DSG1: variants seen among roughly 807,000 people sequenced by gnomAD.
DSG1 encodes the protein desmoglein 1.
A neutral mutation model predicts 97.5 loss-of-function variants in DSG1; 39 were observed. That is an observed-to-expected ratio of 0.40 (90% CI 0.31 to 0.52). The LOEUF (loss-of-function observed/expected upper bound fraction) is 0.52. Ranked by LOEUF, DSG1 falls within the 20% of genes least tolerant of loss-of-function variation. The pLI, the probability that DSG1 is intolerant of heterozygous loss-of-function variation, is 0.53. For synonymous variants in DSG1, 475 were observed against 443.4 expected (o/e 1.07, Z -0.90); for missense variants, 1,311 against 1,295.4 (o/e 1.01, Z -0.18).
intron 11 of DSG1, 68 bp downstream of exon 11, chr18:31,340,093 T>G (rs2144102848): frequency 6.9e-7 from 1 of 1,456,160 alleles, no homozygotes; most frequent in East Asian, 2.3e-5. Flanking sequence ...TTAAGTTTTC[T>G]GATTCTTTGA....
chr18:31,349,219 G>C (rs2071872224), intron 14 of DSG1, among the ~76,000 whole-genome samples: 1 of 137,818 alleles, frequency 7.3e-6, no homozygotes, highest in Admixed American at 7.3e-5. Flanking sequence ...TTATTAAATA[G>C]GGAATCCTTT....
chr18:31,332,871 A>G (rs890616325), intron 6 of DSG1, among the ~76,000 whole-genome samples: 8 of 152,288 alleles, frequency 5.3e-5, no homozygotes, highest in Non-Finnish European at 7.4e-5. Flanking sequence ...AAACAGCCCA[A>G]TGAGGTTTCT....
intron 7 of DSG1, 146 bp from the exon 8 acceptor site, chr18:31,333,871 A>C: frequency 8.5e-7 from 1 of 1,178,320 alleles, no homozygotes; most frequent in Admixed American, 1.8e-5. Flanking sequence ...TTATGCAAGA[A>C]TAAATGGAGT....
At position 31,356,314 on chromosome 18, in the gene DSG1, T is replaced by G. The variant is rs2071957761; in HGVS notation, c.*968T>G. 6.6e-6 allele frequency: 1 copy of G among 152,148 alleles called. No homozygotes were observed. 9.4% of individuals were successfully genotyped at this position (152,148 alleles called of 1,614,324 possible). On this transcript the variant is annotated 3_prime_UTR_variant, in exon 15 of 15. Transcript: ENST00000257192. ...TTTTGTTTTTAGTAGGTGATATTCATTCGTATCCAGCTCTTTATTACATAG... is the reference window on the plus strand; with the variant it reads ...TTTTGTTTTTAGTAGGTGATATTCAGTCGTATCCAGCTCTTTATTACATAG...
chr18:31,327,010 G>C lies in DSG1; in HGVS notation c.216+5G>C. On this transcript the variant is annotated splice_donor_5th_base_variant and intron_variant, in intron 3 of 14. Coordinates refer to ENST00000257192, the MANE Select transcript of DSG1 (RefSeq NM_001942.4). ...AAGAGGAACCCAATCGCCAAAGTAG[G>C]TATCAACTCCAAAGCATAACATTGA... 6.2e-7 allele frequency: 1 copy of C among 1,613,638 alleles called. No homozygotes were observed. Among genetic ancestry groups the C allele is most frequent in the Non-Finnish European group, 8.5e-7 (1 of 1,179,756 alleles).
Position 31,339,749 on chromosome 18 carries a change from C to T in DSG1, c.1411C>T (p.Leu471Phe), listed in dbSNP as rs775858223. 1.2e-5 allele frequency: 19 copies of T among 1,608,144 alleles called. No individual in the cohort carries two copies. Among genetic ancestry groups the T allele is most frequent in the Non-Finnish European group, 1.5e-5 (18 of 1,174,966 alleles). ...QGTILSIDDN[L>F]QRTCTGTINI... ...CATTTTGAACGTTATTACAGATAAT[C>T]TTCAAAGAACTTGCACTGGTACAAT... The change falls in exon 11 of 15, where the codon CTT becomes TTT. Residue 471 changes from leucine (L) to phenylalanine (F), a missense_variant. Around this residue, in one of 3 missense-constraint regions of DSG1, gnomAD observed 1,038 missense variants for 964.6 expected, o/e 1.08. Transcript: ENST00000257192.
Position 31,355,567 on chromosome 18 carries a change from A to T in DSG1, c.*221A>T, listed in dbSNP as rs2071949832. 1 of 569,994 alleles carries T rather than the reference A, an allele frequency of 1.8e-6. No individual in the cohort carries two copies. The highest frequency in any genetic ancestry group is 1.9e-5 in the African/African-American group (1 of 53,408). 35.3% of individuals were successfully genotyped at this position (569,994 alleles called of 1,614,324 possible). On this transcript the variant is annotated 3_prime_UTR_variant, in exon 15 of 15. Transcript: ENST00000257192. ...CTCTTATATTAGGACTAAGGAACTAAAACTTGAGGCAGAGTCTTCTTTGTG... is the reference window on the plus strand; with the variant it reads ...CTCTTATATTAGGACTAAGGAACTATAACTTGAGGCAGAGTCTTCTTTGTG...
intron 11 of DSG1, among the ~76,000 whole-genome samples, chr18:31,340,573 G>C (rs2071782968): frequency 1.3e-5 from 2 of 149,544 alleles, no homozygotes; most frequent in African/African-American, 4.9e-5. Context: ...AAAAAGAAAA[G>C]AAAAGGCTAC....
intron 14 of DSG1, 54 bp from the exon 15 acceptor site, chr18:31,354,243 T>G (rs2071930223): frequency 1.3e-6 from 2 of 1,483,192 alleles, no homozygotes; most frequent in African/African-American, 1.4e-5. Flanking sequence ...GGCTGTTCTA[T>G]TATTGTTAAA....
Position 31,345,983 on chromosome 18 carries a change from C to G in DSG1, c.1892-7C>G. On this transcript the variant is annotated splice_polypyrimidine_tract_variant and splice_region_variant and intron_variant, in intron 13 of 14. Coordinates refer to ENST00000257192, the MANE Select transcript of DSG1 (RefSeq NM_001942.4). ...GAAAATAAATTTAATTTGATCAACA[C>G]TTTTAGGAGTTTATACAAATGAGTA... 1.2e-6 allele frequency: 2 copies of G among 1,610,464 alleles called. No individual in the cohort carries two copies. Among genetic ancestry groups the G allele is most frequent in the East Asian group, 2.2e-5 (1 of 44,796 alleles).
chr18:31,350,499 G>A (rs1598714999), intron 14 of DSG1, among the ~76,000 whole-genome samples: 1 of 150,858 alleles, frequency 6.6e-6, no homozygotes, highest in East Asian at 1.9e-4. Flanking sequence ...AGTTAGGGAG[G>A]ATTCTCTCTT....
At position 31,359,246 on chromosome 18, in the gene DSG1, C is replaced by T. The variant is rs1598723269; in HGVS notation, c.*3900C>T. On this transcript the variant is annotated 3_prime_UTR_variant, in exon 15 of 15. Transcript: ENST00000257192. ...ATACAGCAATAAAATTATTAATATG[C>T]CTCCCTTATCTTTTCTGAATTGTAA... Among the ~76,000 whole-genome samples the T allele has an allele frequency of 6.6e-6, 1 of 152,052 alleles. No homozygotes were observed. The highest frequency in any genetic ancestry group is 2.4e-5 in the African/African-American group (1 of 41,426).
intron 14 of DSG1, chr18:31,354,028 G>T (rs2071928636): frequency 2.4e-6 from 1 of 412,926 alleles, no homozygotes; most frequent in Non-Finnish European, 4.4e-6. Flanking sequence ...TTTGTGTATG[G>T]TTTTATGTCC....
At position 31,354,302 on chromosome 18, in the gene DSG1, A is replaced by G. The variant is rs971317316; in HGVS notation, c.2106A>G (p.Ala702=). The G allele has an allele frequency of 1.2e-6, 2 of 1,614,122 alleles. No homozygotes were observed. Among genetic ancestry groups the G allele is most frequent in the South Asian group, 1.1e-5 (1 of 91,084 alleles). The change falls in exon 15 of 15, where the codon GCA becomes GCG. Residue 702 remains alanine (A), a synonymous_variant. Transcript: ENST00000257192. ...TCTTTCTCCTATAAATTCAGAAAGCATATGCTTACGCAGATGAAGATGAAG... is the reference window on the plus strand; with the variant it reads ...TCTTTCTCCTATAAATTCAGAAAGCGTATGCTTACGCAGATGAAGATGAAG... The part of the protein sequence containing the change: ...NFMESYFCQK[A]YAYADEDEGR...
At chr18:31,351,876 A>C (rs1407847717) in intron 14 of DSG1, among the ~76,000 whole-genome samples, 1 of 151,826 alleles carries the variant, frequency 6.6e-6, no homozygotes, top group African/African-American at 2.4e-5. Context: ...TGCACGTGAG[A>C]TGGGTTTCCT....
chr18:31,318,338 T>C lies in DSG1; in HGVS notation c.38T>C (p.Phe13Ser), dbSNP rs2071633017. Residue 13 changes from phenylalanine (F) to serine (S), a missense_variant, in exon 1 of 15, where the codon TTC becomes TCC. Phe to Ser is a radical substitution (Grantham distance 155, BLOSUM62 -2). Coordinates refer to ENST00000257192, the MANE Select transcript of DSG1 (RefSeq NM_001942.4). ...TTCTTCAGAGTAGTTGCAATGCTGT[T>C]CATTTTTCTGGTGAGTGGATTCTGG... ...WSFFRVVAMLFIFLVVVEVNS... is the reference protein window; with the variant it reads ...WSFFRVVAMLSIFLVVVEVNS... 6.2e-7 allele frequency: 1 copy of C among 1,613,278 alleles called. No homozygotes were observed. Among genetic ancestry groups the C allele is most frequent in the African/African-American group, 1.3e-5 (1 of 74,908 alleles).
chr18:31,343,093 G>T (rs1215484568), intron 11 of DSG1, among the ~76,000 whole-genome samples: 1 of 151,778 alleles, frequency 6.6e-6, no homozygotes, highest in East Asian at 1.9e-4. Flanking sequence ...GTATTTTTTG[G>T]TAGAGATAGG....
At chr18:31,345,855 T>C (rs2071828814) in intron 13 of DSG1, 135 bp from the exon 14 acceptor site, 1 of 665,122 alleles carries the variant, frequency 1.5e-6, no homozygotes, top group Non-Finnish European at 2.6e-6. Flanking sequence ...TCTCCTTTCT[T>C]TATGTATTAT....
At chr18:31,351,624 C>G (rs1277916094) in intron 14 of DSG1, among the ~76,000 whole-genome samples, 4 of 151,066 alleles carry the variant, frequency 2.6e-5, no homozygotes, top group African/African-American at 9.7e-5. Flanking sequence ...GTAGGTCACT[C>G]AGGATTTGCT....
Sources: gnomAD v4.1 joint callset for allele counts (sites outside exome capture counted in the v4.1 genomes callset) on GRCh38, gnomAD v4.1.1 for gene constraint, gnomAD v4.1.1 regional missense constraint, MANE v1.5 for transcripts, NCBI Gene and HGNC (gene_info 2026-07-23, HGNC 2026-07-21) for gene names.